The following MSRA variants were observed in gnomAD, a reference collection of about 807,000 sequenced individuals.
MSRA encodes methionine sulfoxide reductase A, also known as mitochondrial peptide methionine sulfoxide reductase.
Under a neutral mutation model 31.3 loss-of-function variants are expected in MSRA, and 54 were observed. The observed-to-expected ratio is 1.73, with a 90% CI of 1.39 to 2.17. The LOEUF is 2.17. MSRA is among the 30% of genes most tolerant of loss of function. The pLI, the probability that MSRA is intolerant of heterozygous loss-of-function variation, is 0.00. For synonymous variants in MSRA, 169 were observed against 116.5 expected (o/e 1.45, Z -2.90); for missense variants, 507 against 300.9 (o/e 1.69, Z -5.07).
At chr8:10,283,483 T>C (rs566091602) in intron 3 of MSRA, among the ~76,000 whole-genome samples, 6 of 152,126 alleles carry the variant, frequency 3.9e-5, no homozygotes, top group Non-Finnish European at 8.8e-5. Context: ...AGGTGGTATT[T>C]GGTTACATGA....
At chr8:10,268,802 C>T (rs1798878608) in intron 3 of MSRA, among the ~76,000 whole-genome samples, 1 of 152,230 alleles carries the variant, frequency 6.6e-6, no homozygotes, top group African/African-American at 2.4e-5. Context: ...AATGGATCTC[C>T]ACACACCTGG....
chr8:10,395,426 A>G (rs17151898), intron 5 of MSRA, among the ~76,000 whole-genome samples: 32,070 of 152,090 alleles, frequency 0.21, 4,772 homozygotes, highest in East Asian at 0.74. Context: ...GAGGCTGGAA[A>G]GTTTGGTTGA....
At chr8:10,267,971 C>A (rs1359458948) in intron 3 of MSRA, among the ~76,000 whole-genome samples, 1 of 152,172 alleles carries the variant, frequency 6.6e-6, no homozygotes, top group African/African-American at 2.4e-5. Context: ...CACATTCATT[C>A]CCCTTGCATA....
At chr8:10,304,752 C>A (rs557013443) in intron 4 of MSRA, among the ~76,000 whole-genome samples, 5 of 152,128 alleles carry the variant, frequency 3.3e-5, no homozygotes, top group Non-Finnish European at 7.3e-5. Context: ...AAAAGAAAGC[C>A]GCCACTAGAG....
intron 5 of MSRA, among the ~76,000 whole-genome samples, chr8:10,352,144 G>A (rs975718873): frequency 2.6e-5 from 4 of 152,190 alleles, no homozygotes; most frequent in Admixed American, 6.5e-5. Flanking sequence ...TGCTGGTGCC[G>A]ATGAGCAGGG....
At position 10,412,514 on chromosome 8, in the gene MSRA, C is replaced by T. The variant is rs559780764; in HGVS notation, c.544-15634C>T. On this transcript the variant is annotated intron_variant, in intron 5 of 5. Coordinates refer to ENST00000317173, the MANE Select transcript of MSRA (RefSeq NM_012331.5). ...ATAGAACGAAGATGCTCAACGGGAG[C>T]ATACCAGAATCATGGGACAGGGGTT... 2.6e-5 allele frequency among the ~76,000 whole-genome samples: 4 copies of T among 152,260 alleles called. No individual in the cohort carries two copies. In the South Asian group the frequency reaches 6.2e-4, roughly 24 times the overall value.
intron 5 of MSRA, among the ~76,000 whole-genome samples, chr8:10,376,131 A>G (rs893326810): frequency 6.6e-6 from 1 of 152,014 alleles, no homozygotes; most frequent in Non-Finnish European, 1.5e-5. Flanking sequence ...ATTTCTGACA[A>G]TCTGAGCTGC....
chr8:10,392,051 G>T (rs1203761075), intron 5 of MSRA, among the ~76,000 whole-genome samples: 4 of 152,168 alleles, frequency 2.6e-5, no homozygotes, highest in Non-Finnish European at 4.4e-5. Context: ...AATGAGGTGG[G>T]AAGGTTTGGT....
At chr8:10,303,557 A>T (rs929208848) in intron 4 of MSRA, among the ~76,000 whole-genome samples, 4 of 152,336 alleles carry the variant, frequency 2.6e-5, no homozygotes, top group Admixed American at 2.6e-4. Flanking sequence ...CTAAGGTTGT[A>T]GCGTGATCCA....
chr8:10,142,397 G>C (rs561454100), intron 1 of MSRA, among the ~76,000 whole-genome samples: 6 of 152,342 alleles, frequency 3.9e-5, no homozygotes, highest in African/African-American at 1.4e-4. Flanking sequence ...GCAAGTGATG[G>C]AGATGGCACC....
chr8:10,136,212 G>C (rs565972357), intron 1 of MSRA, among the ~76,000 whole-genome samples: 28 of 152,354 alleles, frequency 1.8e-4, no homozygotes, highest in African/African-American at 6.7e-4. Context: ...GCTCTGCGGT[G>C]CAGAGAGGCA....
intron 5 of MSRA, among the ~76,000 whole-genome samples, chr8:10,409,018 G>A (rs1014225225): frequency 2.6e-5 from 4 of 152,218 alleles, no homozygotes; most frequent in African/African-American, 9.6e-5. Flanking sequence ...GTGTAGTGCT[G>A]TAATACACAT....
At chr8:10,120,687 C>T (rs1415086209) in intron 1 of MSRA, among the ~76,000 whole-genome samples, 1 of 152,160 alleles carries the variant, frequency 6.6e-6, no homozygotes, top group Non-Finnish European at 1.5e-5. Context: ...ATCATGTAAA[C>T]AAATCGTATA....
At chr8:10,079,019 T>C (rs1218186465) in intron 1 of MSRA, among the ~76,000 whole-genome samples, 1 of 152,218 alleles carries the variant, frequency 6.6e-6, no homozygotes, top group Non-Finnish European at 1.5e-5. Flanking sequence ...TGTTCCAGTA[T>C]TCACCGCTGT....
intron 1 of MSRA, among the ~76,000 whole-genome samples, chr8:10,160,946 C>T (rs1232302024): frequency 6.6e-6 from 1 of 151,892 alleles, no homozygotes; most frequent in African/African-American, 2.4e-5. Flanking sequence ...ATTAGTGCAG[C>T]ATTAATTAAC....
chr8:10,143,947 A>C (rs1802920376), intron 1 of MSRA, among the ~76,000 whole-genome samples: 1 of 152,178 alleles, frequency 6.6e-6, no homozygotes, highest in Admixed American at 6.5e-5. Flanking sequence ...GTCAAGAAGC[A>C]GGGGAGACCA....
At chr8:10,364,878 T>G (rs946794290) in intron 5 of MSRA, among the ~76,000 whole-genome samples, 3 of 152,194 alleles carry the variant, frequency 2.0e-5, no homozygotes, top group African/African-American at 7.2e-5. Flanking sequence ...CGTGGGTCTT[T>G]CCCTAAACTG....
At chr8:10,418,847 A>C (rs1261121189) in intron 5 of MSRA, among the ~76,000 whole-genome samples, 41 of 149,160 alleles carry the variant, frequency 2.7e-4, no homozygotes, top group East Asian at 9.9e-4. Context: ...AACCAACAAA[A>C]AAAAAAAACA....
chr8:10,260,821 T>G (rs549464444), intron 3 of MSRA, among the ~76,000 whole-genome samples: 1 of 152,192 alleles, frequency 6.6e-6, no homozygotes, highest in Non-Finnish European at 1.5e-5. Flanking sequence ...AGACCTGACT[T>G]TAATTATGTC....
Sources: allele counts gnomAD v4.1 joint callset (sites outside exome capture counted in the v4.1 genomes callset), GRCh38; gene constraint gnomAD v4.1.1; transcripts MANE v1.5; gene names NCBI Gene and HGNC (gene_info 2026-07-23, HGNC 2026-07-21).